The following HPSE2 variants were observed in gnomAD, a reference collection of about 807,000 sequenced individuals.
The protein encoded by HPSE2 is inactive heparanase-2.
HPSE2 carries 38 observed loss-of-function variants against 60.5 expected under a neutral mutation model. The ratio of observed to expected loss-of-function variants is 0.63; its 90% CI spans 0.48 to 0.82. The LOEUF (loss-of-function observed/expected upper bound fraction) is 0.82, where lower values mean the gene tolerates loss of function less well. HPSE2 is among the 40% of genes least tolerant of loss of function. The pLI is 0.00. For synonymous variants in HPSE2, 295 were observed against 293.2 expected (o/e 1.01, Z -0.06); for missense variants, 713 against 740.4 (o/e 0.96, Z 0.43).
At chr10:98,724,600 T>C (rs1005404735) in intron 4 of HPSE2, among the ~76,000 whole-genome samples, 2 of 152,192 alleles carry the variant, frequency 1.3e-5, no homozygotes, top group Admixed American at 1.3e-4. Flanking sequence ...TGTGGGAGTC[T>C]AAGTCTCTTT....
chr10:98,849,402 T>A (rs1416167646), intron 3 of HPSE2, among the ~76,000 whole-genome samples: 2 of 152,186 alleles, frequency 1.3e-5, no homozygotes, highest in African/African-American at 4.8e-5. Context: ...TTTAACACCA[T>A]CATTAAACAG....
At chr10:98,726,865 T>C (rs1024537172) in intron 4 of HPSE2, among the ~76,000 whole-genome samples, 4 of 151,952 alleles carry the variant, frequency 2.6e-5, no homozygotes, top group African/African-American at 9.7e-5. Flanking sequence ...AAAGGAAACA[T>C]CAGAAGCCAT....
chr10:98,633,177 T>G (rs1946410166), intron 7 of HPSE2, among the ~76,000 whole-genome samples: 1 of 152,094 alleles, frequency 6.6e-6, no homozygotes, highest in Non-Finnish European at 1.5e-5. Flanking sequence ...CTCTTTCTTA[T>G]GATTTTATTT....
At chr10:98,461,367 T>C (rs1940279528) in intron 11 of HPSE2, among the ~76,000 whole-genome samples, 1 of 149,472 alleles carries the variant, frequency 6.7e-6, no homozygotes, top group African/African-American at 2.5e-5. Context: ...GAGGCTTCTA[T>C]ATGGAGAGCG....
At position 98,768,872 on chromosome 10, in the gene HPSE2, G is replaced by A. The variant is rs377587311; in HGVS notation, c.611-24816C>T. On this transcript the variant is annotated intron_variant, in intron 3 of 11. Coordinates refer to ENST00000370552, the MANE Select transcript of HPSE2 (RefSeq NM_021828.5). ...TCAAGACCAGCCTGGCCAACATCGT[G>A]AAACCTCATCTCTGCTAAAAATACA... 3.3e-5 allele frequency among the ~76,000 whole-genome samples: 5 copies of A among 152,220 alleles called. 1 individual carries two copies. The East Asian group carries it at 5.8e-4, about 18-fold the overall frequency.
intron 3 of HPSE2, among the ~76,000 whole-genome samples, chr10:98,900,094 A>G (rs1953623423): frequency 6.6e-6 from 1 of 152,170 alleles, no homozygotes; most frequent in Admixed American, 6.6e-5. Flanking sequence ...TTTGACCAAA[A>G]GGAATAAAAG....
intron 3 of HPSE2, among the ~76,000 whole-genome samples, chr10:98,976,397 C>A (rs1464348765): frequency 6.6e-6 from 1 of 152,114 alleles, no homozygotes; most frequent in Non-Finnish European, 1.5e-5. Context: ...TCCAATTTTA[C>A]AGGCAAGACT....
chr10:99,261,974 C>A, the HPSE2 span, among the ~76,000 whole-genome samples: 1 of 152,226 alleles, frequency 6.6e-6, no homozygotes, highest in African/African-American at 2.4e-5. Flanking sequence ...GTCCAACTCG[C>A]CTGGCAGCCA....
intron 3 of HPSE2, among the ~76,000 whole-genome samples, chr10:99,060,603 A>C (rs1958215904): frequency 6.9e-6 from 1 of 145,700 alleles, no homozygotes; most frequent in South Asian, 2.3e-4. Flanking sequence ...GGTTGAGGTA[A>C]GCTGAGATTG....
the HPSE2 span, among the ~76,000 whole-genome samples, chr10:99,311,688 C>G: frequency 6.6e-6 from 1 of 152,148 alleles, no homozygotes; most frequent in Non-Finnish European, 1.5e-5. Context: ...CTAATAATAA[C>G]CCTACAACGG....
At chr10:99,149,552 A>T (rs1846181356) in intron 2 of HPSE2, among the ~76,000 whole-genome samples, 1 of 152,206 alleles carries the variant, frequency 6.6e-6, no homozygotes, top group South Asian at 2.1e-4. Context: ...TGAAAATACC[A>T]ATAGCTTAAT....
the HPSE2 span, among the ~76,000 whole-genome samples, chr10:99,307,715 A>G: frequency 2.0e-5 from 3 of 152,170 alleles, no homozygotes; most frequent in Non-Finnish European, 2.9e-5. Flanking sequence ...CTTAACAACC[A>G]TTACCATGGG....
chr10:98,838,605 T>A (rs920836231), intron 3 of HPSE2, among the ~76,000 whole-genome samples: 2 of 151,978 alleles, frequency 1.3e-5, no homozygotes, highest in African/African-American at 2.4e-5. Flanking sequence ...TTTAACTTTT[T>A]TTTTTTTTTA....
intron 3 of HPSE2, among the ~76,000 whole-genome samples, chr10:99,041,982 A>G (rs73339444): frequency 0.014 from 2,182 of 152,198 alleles, 46 homozygotes; most frequent in African/African-American, 0.049. Flanking sequence ...ACATACACAC[A>G]TATTTGTACA....
chr10:99,240,124 G>A (rs181864576), upstream of HPSE2, among the ~76,000 whole-genome samples: 10 of 152,116 alleles, frequency 6.6e-5, no homozygotes, highest in African/African-American at 2.4e-4. Flanking sequence ...AGGAGGTGGA[G>A]GTTACAGTGA....
intron 2 of HPSE2, among the ~76,000 whole-genome samples, chr10:99,189,892 T>A (rs3905193): frequency 0.49 from 75,055 of 152,092 alleles, 21,710 homozygotes; most frequent in Non-Finnish European, 0.64. Context: ...TACCAAGTTG[T>A]TGCTGTTCTT....
At chr10:99,147,596 A>T (rs1253788706) in intron 2 of HPSE2, among the ~76,000 whole-genome samples, 1 of 152,230 alleles carries the variant, frequency 6.6e-6, no homozygotes, top group Non-Finnish European at 1.5e-5. Context: ...CATTACCTTT[A>T]TATTAATAAC....
chr10:98,858,928 T>G (rs952608451), intron 3 of HPSE2, among the ~76,000 whole-genome samples: 1 of 152,156 alleles, frequency 6.6e-6, no homozygotes, highest in African/African-American at 2.4e-5. Context: ...GTGTTTTTTT[T>G]GTTTGTTTTT....
chr10:98,855,044 T>TA (rs1294564857), intron 3 of HPSE2, among the ~76,000 whole-genome samples: 18 of 152,132 alleles, frequency 1.2e-4, no homozygotes, highest in African/African-American at 4.1e-4. Flanking sequence ...CAGAGAAAGT[T>TA]AAAAAATCTC....
Sources: gnomAD v4.1 joint callset for allele counts (sites outside exome capture counted in the v4.1 genomes callset) on GRCh38, gnomAD v4.1.1 for gene constraint, MANE v1.5 for transcripts, NCBI Gene and HGNC (gene_info 2026-07-23, HGNC 2026-07-21) for gene names.